FGGY: variants seen among roughly 807,000 people sequenced by gnomAD.
FGGY encodes the protein FGGY carbohydrate kinase domain containing.
In FGGY, 72 loss-of-function variants were observed where a neutral mutation model predicts 71.3. The ratio of observed to expected loss-of-function variants is 1.01; its 90% CI spans 0.84 to 1.23. The LOEUF (loss-of-function observed/expected upper bound fraction) is 1.23. FGGY is among the 50% of genes most tolerant of loss of function. FGGY has a pLI of 0.00. For synonymous variants in FGGY, 251 were observed against 250.3 expected (o/e 1.00, Z -0.02); for missense variants, 668 against 682.3 (o/e 0.98, Z 0.23).
rs574271364 is a variant in FGGY at position 59,674,462 on chromosome 1, T to C, written c.1512+329T>C. Among the ~76,000 whole-genome samples the C allele has an allele frequency of 2.0e-5, 3 of 152,342 alleles. No individual in the cohort carries two copies. The East Asian group carries it at 5.8e-4, about 29-fold the overall frequency. ...AGGTAAGGCTCAAAACTTCAGTGTT[T>C]CATGTGTATTTCAGATTTTTATTTG... On this transcript the variant is annotated intron_variant, in intron 14 of 15. Coordinates refer to ENST00000303721, the MANE Select transcript of FGGY (RefSeq NM_018291.5).
chr1:59,427,399 T>C (rs529500584), intron 5 of FGGY, among the ~76,000 whole-genome samples: 2 of 152,302 alleles, frequency 1.3e-5, no homozygotes, highest in South Asian at 4.1e-4. Flanking sequence ...GCTGCTGCTT[T>C]ACTCATGACC....
At chr1:59,486,425 T>G (rs1298566092) in intron 6 of FGGY, among the ~76,000 whole-genome samples, 1 of 152,142 alleles carries the variant, frequency 6.6e-6, no homozygotes, top group East Asian at 1.9e-4. Context: ...TCTAAAGGAT[T>G]CAGGGACACA....
At chr1:59,396,337 A>G (rs835422) in intron 5 of FGGY, among the ~76,000 whole-genome samples, 38,136 of 152,110 alleles carry the variant, frequency 0.25, 5,028 homozygotes, top group East Asian at 0.36. Context: ...TTTTTGCTAA[A>G]GTTTCTGAGA....
chr1:59,652,833 G>C (rs1052320087), intron 11 of FGGY, among the ~76,000 whole-genome samples: 1 of 152,144 alleles, frequency 6.6e-6, no homozygotes, highest in African/African-American at 2.4e-5. Context: ...GACGCTCTGC[G>C]TTTTAGATTT....
At chr1:59,551,568 A>T (rs1361551791) in intron 7 of FGGY, among the ~76,000 whole-genome samples, 1 of 152,186 alleles carries the variant, frequency 6.6e-6, no homozygotes, top group African/African-American at 2.4e-5. Context: ...TTTGAGATGT[A>T]CAGATAAGTG....
intron 8 of FGGY, among the ~76,000 whole-genome samples, chr1:59,603,662 C>T (rs1368882464): frequency 2.0e-5 from 3 of 152,162 alleles, no homozygotes; most frequent in African/African-American, 2.4e-5. Flanking sequence ...ACTAGAATCA[C>T]GATGGGCCTT....
chr1:59,724,986 A>AT (rs1196920609), intron 14 of FGGY, among the ~76,000 whole-genome samples: 2 of 151,928 alleles, frequency 1.3e-5, no homozygotes, highest in East Asian at 3.9e-4. Flanking sequence ...CAGCTTATCA[A>AT]TTTTTTTCAT....
intron 1 of FGGY, among the ~76,000 whole-genome samples, chr1:59,312,128 G>A (rs966073302): frequency 5.3e-5 from 8 of 152,180 alleles, no homozygotes; most frequent in Admixed American, 1.3e-4. Flanking sequence ...ATTTGTTTAA[G>A]TTCCTTGTAA....
At chr1:59,664,832 A>G (rs1317454762) in intron 12 of FGGY, among the ~76,000 whole-genome samples, 1 of 152,224 alleles carries the variant, frequency 6.6e-6, no homozygotes, top group Non-Finnish European at 1.5e-5. Flanking sequence ...AGGTATTACT[A>G]GATTTCATCA....
At chr1:59,478,078 G>T (rs944613343) in intron 6 of FGGY, among the ~76,000 whole-genome samples, 36 of 152,122 alleles carry the variant, frequency 2.4e-4, no homozygotes, top group African/African-American at 8.5e-4. Context: ...ACCTCCGAAG[G>T]CCACTCAGTT....
chr1:59,477,161 C>T (rs2093300862), intron 6 of FGGY, among the ~76,000 whole-genome samples: 1 of 152,130 alleles, frequency 6.6e-6, no homozygotes, highest in African/African-American at 2.4e-5. Flanking sequence ...GGTTGGCCTT[C>T]TCTATTGCAT....
At chr1:59,746,209 T>C (rs1401596681) in intron 14 of FGGY, among the ~76,000 whole-genome samples, 1 of 152,154 alleles carries the variant, frequency 6.6e-6, no homozygotes, top group Non-Finnish European at 1.5e-5. Context: ...CATGTGTCAT[T>C]GTATCTCCAT....
chr1:59,568,471 G>GGC (rs1553299459), intron 8 of FGGY, among the ~76,000 whole-genome samples: 2 of 127,294 alleles, frequency 1.6e-5, no homozygotes, highest in African/African-American at 5.6e-5. Flanking sequence ...GGGCGGGGGG[G>GGC]GGTGTTCTTA....
chr1:59,439,427 C>A (rs1456200232), intron 5 of FGGY, among the ~76,000 whole-genome samples: 1 of 152,090 alleles, frequency 6.6e-6, no homozygotes, highest in Non-Finnish European at 1.5e-5. Flanking sequence ...AATCATTGAA[C>A]CAGAGTAACA....
At chr1:59,410,268 C>T (rs1245173780) in intron 5 of FGGY, among the ~76,000 whole-genome samples, 1 of 152,086 alleles carries the variant, frequency 6.6e-6, no homozygotes, top group Non-Finnish European at 1.5e-5. Flanking sequence ...ATCTTGTTAC[C>T]ATATGTGAAT....
chr1:59,531,009 A>C (rs1375938992), intron 7 of FGGY, among the ~76,000 whole-genome samples: 2 of 152,196 alleles, frequency 1.3e-5, no homozygotes, highest in African/African-American at 2.4e-5. Context: ...GACATTAAAA[A>C]ATTAAAAATA....
chr1:59,748,337 A>C (rs2098217157), intron 14 of FGGY, among the ~76,000 whole-genome samples: 2 of 152,170 alleles, frequency 1.3e-5, no homozygotes, highest in Non-Finnish European at 2.9e-5. Context: ...ATGATGTCAT[A>C]GATGTTTAGG....
intron 8 of FGGY, among the ~76,000 whole-genome samples, chr1:59,595,433 G>A (rs1289514527): frequency 2.0e-5 from 3 of 152,158 alleles, no homozygotes; most frequent in Non-Finnish European, 4.4e-5. Flanking sequence ...GCTCATGCCT[G>A]TAATCCCAGC....
At chr1:59,497,436 A>C (rs1173891582) in intron 6 of FGGY, among the ~76,000 whole-genome samples, 1 of 152,150 alleles carries the variant, frequency 6.6e-6, no homozygotes, top group African/African-American at 2.4e-5. Flanking sequence ...AAAAATACAA[A>C]AATTAGCCAG....
Sources: allele counts gnomAD v4.1 joint callset (sites outside exome capture counted in the v4.1 genomes callset), GRCh38; gene constraint gnomAD v4.1.1; transcripts MANE v1.5; gene names NCBI Gene and HGNC (gene_info 2026-07-23, HGNC 2026-07-21).